RAB3C: variants seen among roughly 807,000 people sequenced by gnomAD.
The protein encoded by RAB3C is RAB3C, member RAS oncogene family, also known as ras-related protein Rab-3C.
RAB3C carries 17 observed loss-of-function variants against 26.4 expected under a neutral mutation model. The ratio of observed to expected loss-of-function variants is 0.64; its 90% confidence interval spans 0.44 to 0.97. The LOEUF is 0.97. Ranked by LOEUF, RAB3C falls within the 50% of genes least tolerant of loss-of-function variation. RAB3C has a pLI of 0.00. For synonymous variants in RAB3C, 91 were observed against 95.9 expected, an observed-to-expected ratio of 0.95 and a Z score of 0.30; for missense variants, 242 against 281.9, an observed-to-expected ratio of 0.86 and a Z score of 1.01.
At chr5:58,710,758 C>A (rs1222674901) in intron 2 of RAB3C, among the ~76,000 whole-genome samples, 1 of 152,122 alleles carries the variant, frequency 6.6e-6, no homozygotes, top group Non-Finnish European at 1.5e-5. Context: ...TGTTTCATAT[C>A]TGTTGCACAG....
chr5:58,778,696 G>A (rs1000203171), intron 3 of RAB3C, among the ~76,000 whole-genome samples: 1 of 152,078 alleles, frequency 6.6e-6, no homozygotes, highest in Non-Finnish European at 1.5e-5. Flanking sequence ...ATACCCAAAT[G>A]GAGTGTGAAG....
Position 58,680,495 on chromosome 5 carries a change from C to T in RAB3C, c.253-45507C>T, listed in dbSNP as rs1231309352. On this transcript the variant is annotated intron_variant, in intron 2 of 4. Coordinates refer to ENST00000282878, the MANE Select transcript of RAB3C (RefSeq NM_138453.4). ...TTTAGTTATCCTCTGTATTCATTCC[C>T]TACTAGTATAACAAATCACCACAAA... is the stretch of plus-strand genomic sequence containing the variant. Among the ~76,000 whole-genome samples, 6 of 152,186 alleles carry T rather than the reference C, an allele frequency of 3.9e-5. No individual in the cohort carries two copies. The East Asian group carries it at 1.2e-3, about 29-fold the overall frequency.
At chr5:58,660,661 ATTAGTGAC>A (rs1189252977) in intron 2 of RAB3C, among the ~76,000 whole-genome samples, 1 of 150,424 alleles carries the variant, frequency 6.6e-6, no homozygotes, top group African/African-American at 2.5e-5. Flanking sequence ...ACCAACGCTG[ATTAGTGAC>A]TTAAAGGAAT....
At chr5:58,720,198 C>G (rs1740719375) in intron 2 of RAB3C, among the ~76,000 whole-genome samples, 1 of 151,874 alleles carries the variant, frequency 6.6e-6, no homozygotes, top group African/African-American at 2.4e-5. Flanking sequence ...TGGTTACTCT[C>G]ATTTTCCCTT....
chr5:58,817,086 C>A (rs76023329), intron 3 of RAB3C: 9,044 of 152,310 alleles, frequency 0.059, 356 homozygotes, highest in East Asian at 0.12. Context: ...CAGGTCAAAT[C>A]TCCTTATATT....
chr5:58,659,214 G>A (rs1441501439), intron 2 of RAB3C, among the ~76,000 whole-genome samples: 3 of 151,838 alleles, frequency 2.0e-5, no homozygotes, highest in Non-Finnish European at 4.4e-5. Context: ...AGATATGTAG[G>A]TATATATATA....
chr5:58,788,003 C>A (rs1489099630), intron 3 of RAB3C, among the ~76,000 whole-genome samples: 2 of 152,154 alleles, frequency 1.3e-5, no homozygotes, highest in African/African-American at 4.8e-5. Context: ...AACCTTACCA[C>A]AGAAATGCAG....
chr5:58,738,727 A>G (rs577179963), intron 3 of RAB3C, among the ~76,000 whole-genome samples: 1 of 152,314 alleles, frequency 6.6e-6, no homozygotes, highest in Admixed American at 6.5e-5. Context: ...AATAAAAGGT[A>G]TTATGTAAAT....
At chr5:58,813,619 TATATATATATATATACACAC>T (rs1743142573) in intron 3 of RAB3C, among the ~76,000 whole-genome samples, 4 of 47,566 alleles carry the variant, frequency 8.4e-5, no homozygotes, top group Non-Finnish European at 1.3e-4. Context: ...TATATATATA[TATATATATATATATACACAC>T]ACACACACAC....
chr5:58,670,148 C>T (rs1748082570), intron 2 of RAB3C, among the ~76,000 whole-genome samples: 1 of 152,118 alleles, frequency 6.6e-6, no homozygotes, highest in Non-Finnish European at 1.5e-5. Context: ...TATTCTCTCT[C>T]CCACCAACAC....
Position 58,799,865 on chromosome 5 carries a change from T to C in RAB3C, c.372-25173T>C, listed in dbSNP as rs985249435. On this transcript the variant is annotated intron_variant, in intron 3 of 4. Coordinates refer to ENST00000282878, the MANE Select transcript of RAB3C (RefSeq NM_138453.4). Reference sequence around the variant, plus strand: ...TAAAGATAGCTTTAATAGAAGTCAATGTAATATACAGTTGTAGTTACACTG... The same window carrying C: ...TAAAGATAGCTTTAATAGAAGTCAACGTAATATACAGTTGTAGTTACACTG... Among the ~76,000 whole-genome samples, 3 of 152,206 alleles carry C rather than the reference T, an allele frequency of 2.0e-5. No individual in the cohort carries two copies. The East Asian group carries it at 5.8e-4, about 29-fold the overall frequency.
At chr5:58,594,608 T>C (rs75548419) in intron 1 of RAB3C, among the ~76,000 whole-genome samples, 78 of 152,204 alleles carry the variant, frequency 5.1e-4, no homozygotes, top group African/African-American at 1.8e-3. Flanking sequence ...ATCCAGATAT[T>C]CCTTTGTCTC....
chr5:58,809,385 G>GAA lies in RAB3C; in HGVS notation c.372-15636_372-15635dup, dbSNP rs34954956. On this transcript the variant is annotated intron_variant, in intron 3 of 4. Coordinates refer to ENST00000282878, the MANE Select transcript of RAB3C (RefSeq NM_138453.4). ...CTGGTTTTGAAAGCTCTTTTTCTCAGAAAAAAAAAAAAAAAAAACCTTAGC... is the reference window on the plus strand; with the variant it reads ...CTGGTTTTGAAAGCTCTTTTTCTCAGAAAAAAAAAAAAAAAAAAAACCTTAGC... Among the ~76,000 whole-genome samples, 460 of 114,992 alleles carry GAA rather than the reference G, an allele frequency of 4.0e-3. 5 individuals carry two copies. Among genetic ancestry groups the GAA allele is most frequent in the African/African-American group, 0.013 (409 of 31,662 alleles). 75.4% of individuals were successfully genotyped at this position (114,992 alleles called of 152,430 possible). A position where few individuals can be genotyped will look rare whatever the true frequency, so the allele number is the denominator to read the frequency against.
chr5:58,787,939 A>T (rs561144785), intron 3 of RAB3C, among the ~76,000 whole-genome samples: 2 of 152,164 alleles, frequency 1.3e-5, no homozygotes, highest in African/African-American at 4.8e-5. Flanking sequence ...AGACATCAAG[A>T]CTTTTCTTTT....
chr5:58,736,982 G>A (rs1011987872), intron 3 of RAB3C, among the ~76,000 whole-genome samples: 1 of 152,010 alleles, frequency 6.6e-6, no homozygotes, highest in African/African-American at 2.4e-5. Context: ...TCACCCCTCT[G>A]CTCCAAAACT....
chr5:58,783,067 A>G (rs554869599), intron 3 of RAB3C, among the ~76,000 whole-genome samples: 1 of 152,048 alleles, frequency 6.6e-6, no homozygotes, highest in African/African-American at 2.4e-5. Flanking sequence ...TGCTTTGGAT[A>G]TATTTTTGTC....
At chr5:58,723,706 G>A (rs1390541844) in intron 2 of RAB3C, among the ~76,000 whole-genome samples, 1 of 151,762 alleles carries the variant, frequency 6.6e-6, no homozygotes, top group African/African-American at 2.4e-5. Flanking sequence ...GATGGTAAAG[G>A]GAGCTGTTTC....
At chr5:58,779,000 T>G (rs1742211136) in intron 3 of RAB3C, among the ~76,000 whole-genome samples, 1 of 152,158 alleles carries the variant, frequency 6.6e-6, no homozygotes, top group African/African-American at 2.4e-5. Flanking sequence ...AGCTTATATA[T>G]CCCATCAACA....
chr5:58,594,423 T>C (rs900756044), intron 1 of RAB3C, among the ~76,000 whole-genome samples: 1 of 152,176 alleles, frequency 6.6e-6, no homozygotes, highest in African/African-American at 2.4e-5. Flanking sequence ...CTTTTATGAA[T>C]GTGCATGGGT....
Sources: gnomAD v4.1 joint callset for allele counts (sites outside exome capture counted in the v4.1 genomes callset) on GRCh38, gnomAD v4.1.1 for gene constraint, MANE v1.5 for transcripts, NCBI Gene and HGNC (gene_info 2026-07-23, HGNC 2026-07-21) for gene names.